Variants in PDE3A observed in about 807,000 individuals in gnomAD.
PDE3A encodes the protein cGMP-inhibited 3',5'-cyclic phosphodiesterase 3A.
A neutral mutation model predicts 98.3 loss-of-function variants in PDE3A; 43 were observed. That is an observed-to-expected ratio of 0.44 (90% CI 0.34 to 0.56). The LOEUF (loss-of-function observed/expected upper bound fraction) is 0.56. Ranked by LOEUF, PDE3A falls within the 20% of genes least tolerant of loss-of-function variation. PDE3A has a pLI of 0.01. For missense variants in PDE3A, 1,427 were observed against 1,440.7 expected (o/e 0.99, Z 0.15); for synonymous variants, 663 against 567.9 (o/e 1.17, Z -2.38).
At chr12:20,414,042 T>C (rs1260983182) in intron 1 of PDE3A, among the ~76,000 whole-genome samples, 1 of 152,176 alleles carries the variant, frequency 6.6e-6, no homozygotes, top group Non-Finnish European at 1.5e-5. Flanking sequence ...GATAACAGAA[T>C]GTGATTCCTG....
chr12:20,369,190 CGT>C lies in PDE3A; in HGVS notation c.-75_-74del, dbSNP rs140759925. The C allele has an allele frequency of 0.015, 9,713 of 633,702 alleles. 305 individuals carry two copies. Among genetic ancestry groups the C allele is most frequent in the African/African-American group, 0.12 (6,006 of 52,212 alleles). The allele number at this position is 633,702 out of a possible 1,614,324, so 39.3% of individuals were successfully genotyped here. Reference sequence around the variant, plus strand: ...GGTGGAATTGGGAAGAGCGTGCGTGCGTGTGTGTGTGTGTGTGTGTGCGCGCG... The same window carrying C: ...GGTGGAATTGGGAAGAGCGTGCGTGCGTGTGTGTGTGTGTGTGTGCGCGCG... On this transcript the variant is annotated 5_prime_UTR_variant, in exon 1 of 16. Transcript: ENST00000359062.
At chr12:20,371,833 T>A (rs1393526643) in intron 1 of PDE3A, among the ~76,000 whole-genome samples, 2 of 152,210 alleles carry the variant, frequency 1.3e-5, no homozygotes, top group African/African-American at 2.4e-5. Flanking sequence ...TAATTTCTTT[T>A]CACAGTTATG....
In PDE3A at chr12:20,630,127, G is replaced by C; in HGVS notation, c.1760G>C (p.Ser587Thr). 1.3e-6 allele frequency: 2 copies of C among 1,596,082 alleles called. No individual in the cohort carries two copies. The highest frequency in any genetic ancestry group is 1.7e-6 in the Non-Finnish European group (2 of 1,163,946). Residue 587 changes from serine (S) to threonine (T), a missense_variant and splice_region_variant, in exon 6 of 16, where the codon AGC becomes ACC. Coordinates refer to ENST00000359062, the MANE Select transcript of PDE3A (RefSeq NM_000921.5). ...CTGACTCCACCTGTTATATGTAGCA[G>C]GTAAGGATTTTTTATGAACTGAAGT... ...QILTPPVICS[S>T]CGRPYSQGNP...
rs369325168 is a variant in PDE3A at position 20,386,041 on chromosome 12, A to AAT, written c.960+15805_960+15806dup. On this transcript the variant is annotated intron_variant, in intron 1 of 15. Coordinates refer to ENST00000359062, the MANE Select transcript of PDE3A (RefSeq NM_000921.5). ...AAAATATATATATAAATATATATAA[A>AAT]ATATATATAAATATATATAAATATA... Among the ~76,000 whole-genome samples, 172 of 78,468 alleles carry AAT rather than the reference A, an allele frequency of 2.2e-3. 3 individuals carry two copies. Among genetic ancestry groups the AAT allele is most frequent in the African/African-American group, 5.2e-3 (89 of 17,020 alleles). 51.5% of individuals were successfully genotyped at this position (78,468 alleles called of 152,430 possible). A position where few individuals can be genotyped will look rare whatever the true frequency, so the allele number is the denominator to read the frequency against.
chr12:20,534,729 T>A (rs1426920167), intron 1 of PDE3A, among the ~76,000 whole-genome samples: 1 of 152,230 alleles, frequency 6.6e-6, no homozygotes, highest in Non-Finnish European at 1.5e-5. Flanking sequence ...CCCTTTGAAA[T>A]GTCTGTCCTT....
intron 14 of PDE3A, among the ~76,000 whole-genome samples, chr12:20,652,262 G>T (rs1003118109): frequency 2.0e-5 from 3 of 152,116 alleles, no homozygotes; most frequent in Middle Eastern, 3.4e-3. Flanking sequence ...AGCATGATTT[G>T]TAGTCCTTTG....
chr12:20,651,303 C>A (rs1037519585), intron 14 of PDE3A, among the ~76,000 whole-genome samples: 1 of 151,910 alleles, frequency 6.6e-6, no homozygotes, highest in Non-Finnish European at 1.5e-5. Context: ...GTGAACCACT[C>A]TTAAAAAGAA....
At chr12:20,662,133 CTTCT>C (rs965721585) in intron 15 of PDE3A, among the ~76,000 whole-genome samples, 4 of 152,076 alleles carry the variant, frequency 2.6e-5, no homozygotes, top group Admixed American at 2.6e-4. Context: ...GTCCAATAAA[CTTCT>C]TTCTTTTGTA....
intron 1 of PDE3A, among the ~76,000 whole-genome samples, chr12:20,419,369 T>C (rs982933303): frequency 2.0e-5 from 3 of 151,966 alleles, no homozygotes; most frequent in Non-Finnish European, 4.4e-5. Flanking sequence ...CATAGCTCCC[T>C]GCAGGCTTGA....
intron 1 of PDE3A, chr12:20,551,718 C>A: frequency 1.2e-6 from 2 of 1,613,690 alleles, no homozygotes; most frequent in East Asian, 2.2e-5. Context: ...GCCCTGAGTG[C>A]CGGAATGATG....
At chr12:20,432,006 C>CT (rs1379587068) in intron 1 of PDE3A, among the ~76,000 whole-genome samples, 1 of 152,010 alleles carries the variant, frequency 6.6e-6, no homozygotes, top group Non-Finnish European at 1.5e-5. Flanking sequence ...AGCATGGTTT[C>CT]TTTTTTTTAC....
intron 15 of PDE3A, among the ~76,000 whole-genome samples, chr12:20,663,367 A>C (rs562913984): frequency 2.0e-5 from 3 of 152,290 alleles, no homozygotes; most frequent in African/African-American, 7.2e-5. Context: ...CAGACCCCGG[A>C]ATGGTAGATC....
intron 1 of PDE3A, chr12:20,551,869 C>G: frequency 6.2e-7 from 1 of 1,613,730 alleles, no homozygotes; most frequent in Non-Finnish European, 8.5e-7. Context: ...TACCATCATC[C>G]CGTCCAACCA....
At chr12:20,631,783 C>A (rs931593617) in intron 6 of PDE3A, among the ~76,000 whole-genome samples, 2 of 144,634 alleles carry the variant, frequency 1.4e-5, no homozygotes, top group African/African-American at 5.1e-5. Context: ...AAGAGGATTT[C>A]ACTGTCTACT....
At chr12:20,509,289 G>A (rs1045767153) in intron 1 of PDE3A, among the ~76,000 whole-genome samples, 10 of 152,016 alleles carry the variant, frequency 6.6e-5, no homozygotes, top group African/African-American at 2.4e-4. Context: ...CTGGACAAGG[G>A]CCTTTTAAGG....
At chr12:20,391,891 A>G (rs1369250033) in intron 1 of PDE3A, among the ~76,000 whole-genome samples, 1 of 151,952 alleles carries the variant, frequency 6.6e-6, no homozygotes, top group Non-Finnish European at 1.5e-5. Flanking sequence ...CCTCTTTTGT[A>G]GAACAATAAT....
At chr12:20,448,096 C>T (rs1237540063) in intron 1 of PDE3A, among the ~76,000 whole-genome samples, 2 of 152,102 alleles carry the variant, frequency 1.3e-5, no homozygotes, top group South Asian at 4.1e-4. Context: ...GAAGTCACAG[C>T]GAGGAGCCCA....
intron 1 of PDE3A, among the ~76,000 whole-genome samples, chr12:20,417,380 T>G (rs1200272471): frequency 1.3e-5 from 2 of 152,230 alleles, no homozygotes; most frequent in African/African-American, 4.8e-5. Context: ...AGTCCCCAAT[T>G]ATATCTTTAG....
At chr12:20,571,824 TC>T (rs1480763018) in intron 2 of PDE3A, 1 of 757,968 alleles carries the variant, frequency 1.3e-6, no homozygotes, top group Admixed American at 6.2e-5. Context: ...ATGCAAAATT[TC>T]CCACTAGACT....
Sources: allele counts gnomAD v4.1 joint callset (sites outside exome capture counted in the v4.1 genomes callset), GRCh38; gene constraint gnomAD v4.1.1; transcripts MANE v1.5; gene names NCBI Gene and HGNC (gene_info 2026-07-23, HGNC 2026-07-21).